TMEM35A: variants seen among roughly 807,000 people sequenced by gnomAD.
TMEM35A encodes the protein transmembrane protein 35A.
For missense variants in TMEM35A, 83 were observed against 132.7 expected (o/e 0.63, Z 1.84); for synonymous variants, 50 against 54.7 (o/e 0.91, Z 0.38).
intron 1 of TMEM35A, among the ~76,000 whole-genome samples, chrX:101,093,286 T>TTTTA (rs1262836234): frequency 5.4e-4 from 60 of 111,456 alleles, no homozygotes; most frequent in African/African-American, 1.8e-3. Flanking sequence ...AAAAAATTCT[T>TTTTA]TTTATTTATT....
At chrX:101,092,776 G>A (rs1431197973) in intron 1 of TMEM35A, among the ~76,000 whole-genome samples, 7 of 110,278 alleles carry the variant, frequency 6.3e-5, no homozygotes, top group Admixed American at 2.0e-4. Flanking sequence ...CAGGAGAATC[G>A]CTTGAACCTG....
chrX:101,078,931 T>A lies in TMEM35A; in HGVS notation c.-72T>A. ...AGCGTCCCCCCAGCTCTCCCTGTGC[T>A]AACTGCCTGCACCTTGGACAGAGCG... On this transcript the variant is annotated 5_prime_UTR_variant, in exon 1 of 2. Coordinates refer to ENST00000372930, the MANE Select transcript of TMEM35A (RefSeq NM_021637.3). The A allele has an allele frequency of 8.4e-7, 1 of 1,191,102 alleles. No individual in the cohort carries two copies. Among genetic ancestry groups the A allele is most frequent in the Non-Finnish European group, 1.1e-6 (1 of 881,322 alleles).
At chrX:101,092,180 G>A (rs1393869762) in intron 1 of TMEM35A, among the ~76,000 whole-genome samples, 1 of 109,109 alleles carries the variant, frequency 9.2e-6, no homozygotes, top group Non-Finnish European at 1.9e-5. Context: ...TCAGATGAGA[G>A]CACCTCCTGG....
At chrX:101,093,256 T>A (rs1363856619) in intron 1 of TMEM35A, among the ~76,000 whole-genome samples, 1 of 112,124 alleles carries the variant, frequency 8.9e-6, no homozygotes, top group Admixed American at 9.5e-5. Flanking sequence ...TACCAGTTTT[T>A]ATGGGCCTAG....
At chrX:101,087,401 A>T (rs1359547230) in intron 1 of TMEM35A, among the ~76,000 whole-genome samples, 1 of 112,118 alleles carries the variant, frequency 8.9e-6, no homozygotes, top group Non-Finnish European at 1.9e-5. Flanking sequence ...TCCTGTCTGT[A>T]CCTACTCAGT....
At chrX:101,079,949 G>A (rs754041104) in intron 1 of TMEM35A, among the ~76,000 whole-genome samples, 3 of 111,840 alleles carry the variant, frequency 2.7e-5, no homozygotes, top group East Asian at 2.8e-4. Context: ...CAACCTGGGG[G>A]CTGGGCTGCT....
chrX:101,088,472 C>T (rs942284729), intron 1 of TMEM35A, among the ~76,000 whole-genome samples: 2 of 110,646 alleles, frequency 1.8e-5, no homozygotes, highest in African/African-American at 6.6e-5. Flanking sequence ...AGAGATTAGC[C>T]AGGCATGGTG....
intron 1 of TMEM35A, among the ~76,000 whole-genome samples, chrX:101,090,169 C>CTTTTTTTTTTTTTTTTTTTTTTTTTTTT (rs771239790): frequency 7.2e-5 from 7 of 97,521 alleles, no homozygotes; most frequent in African/African-American, 3.1e-4. Context: ...TTCTTTCTTT[C>CTTTTTTTTTTTTTTTTTTTTTTTTTTTT]TTTTTTTTTT....
At chrX:101,094,031 T>C (rs963921900) in intron 1 of TMEM35A, among the ~76,000 whole-genome samples, 1 of 112,043 alleles carries the variant, frequency 8.9e-6, no homozygotes, top group Non-Finnish European at 1.9e-5. Flanking sequence ...TTTCAACATA[T>C]GGTTTTTGTT....
chrX:101,095,033 C>A lies in TMEM35A; in HGVS notation c.*77C>A. 9.6e-7 allele frequency: 1 copy of A among 1,036,986 alleles called. No homozygotes were observed. The highest frequency in any genetic ancestry group is 3.1e-5 in the East Asian group (1 of 32,442). 85.5% of individuals were successfully genotyped at this position (1,036,986 alleles called of 1,213,427 possible). Reference sequence around the variant, plus strand: ...CAGGAAGATGTCAGTGTGTGTTTTTCATTTGATTTATTTATCTTGGGGAAA... The same window carrying A: ...CAGGAAGATGTCAGTGTGTGTTTTTAATTTGATTTATTTATCTTGGGGAAA... On this transcript the variant is annotated 3_prime_UTR_variant, in exon 2 of 2. Transcript: ENST00000372930.
At chrX:101,083,884 G>A (rs753791746) in intron 1 of TMEM35A, among the ~76,000 whole-genome samples, 1 of 110,967 alleles carries the variant, frequency 9.0e-6, no homozygotes, top group African/African-American at 3.3e-5. Context: ...GCCCTAAGAT[G>A]CAATCTGGGA....
intron 1 of TMEM35A, among the ~76,000 whole-genome samples, chrX:101,091,547 C>T (rs2089324424): frequency 1.8e-5 from 2 of 111,747 alleles, no homozygotes; most frequent in African/African-American, 6.5e-5. Context: ...TCAATCGATC[C>T]TCCTGCCTTG....
intron 1 of TMEM35A, among the ~76,000 whole-genome samples, chrX:101,084,188 C>CAAAAA (rs746718674): frequency 1.2e-3 from 38 of 32,274 alleles, no homozygotes; most frequent in Admixed American, 1.9e-3. Context: ...AACTCCATCT[C>CAAAAA]AAAAAAAAAA....
chrX:101,084,603 G>A (rs1467831333), intron 1 of TMEM35A, among the ~76,000 whole-genome samples: 1 of 111,779 alleles, frequency 8.9e-6, no homozygotes, highest in Admixed American at 9.6e-5. Context: ...TGTGGCTCAC[G>A]CCTGTAATCC....
rs753730892 is a variant in TMEM35A at position 101,094,586 on chromosome X, A to G, written c.134A>G (p.Lys45Arg). 8.3e-7 allele frequency: 1 copy of G among 1,204,113 alleles called. No homozygotes were observed. The highest frequency in any genetic ancestry group is 2.2e-5 in the Admixed American group (1 of 45,111). ...DAYSEMKRAY[K>R]SYVRALPLLK... ...TTCTCACTCTAGAAACGTGCTTACAAGAGCTATGTTCGAGCCCTCCCTCTG... is the reference window on the plus strand; with the variant it reads ...TTCTCACTCTAGAAACGTGCTTACAGGAGCTATGTTCGAGCCCTCCCTCTG... The change falls in exon 2 of 2, where the codon AAG (lysine) becomes AGG (arginine). Residue 45 changes from lysine (K) to arginine (R), a missense_variant. Coordinates refer to ENST00000372930, the MANE Select transcript of TMEM35A (RefSeq NM_021637.3).
At chrX:101,086,685 C>T (rs1724383915) in intron 1 of TMEM35A, among the ~76,000 whole-genome samples, 1 of 111,764 alleles carries the variant, frequency 8.9e-6, no homozygotes, top group African/African-American at 3.3e-5. Context: ...TAACTAAGCC[C>T]ATCTTTTTCC....
At chrX:101,091,600 C>T (rs976279811) in intron 1 of TMEM35A, among the ~76,000 whole-genome samples, 5 of 112,294 alleles carry the variant, frequency 4.5e-5, no homozygotes, top group Admixed American at 1.9e-4. Flanking sequence ...CCACCATGCC[C>T]GGCCTATTTC....
chrX:101,082,737 C>T (rs756113576), intron 1 of TMEM35A, among the ~76,000 whole-genome samples: 9 of 110,129 alleles, frequency 8.2e-5, no homozygotes, highest in Admixed American at 2.9e-4. Context: ...CTCTGCCTCC[C>T]GGGTTCAAGC....
intron 1 of TMEM35A, among the ~76,000 whole-genome samples, chrX:101,083,188 G>T (rs2089297598): frequency 9.0e-6 from 1 of 111,451 alleles, no homozygotes; most frequent in South Asian, 3.8e-4. Flanking sequence ...AACATGACTG[G>T]CCACTCCCTT....
Sources: gnomAD v4.1 joint callset for allele counts (sites outside exome capture counted in the v4.1 genomes callset) on GRCh38, gnomAD v4.1.1 for gene constraint, MANE v1.5 for transcripts, NCBI Gene and HGNC (gene_info 2026-07-23, HGNC 2026-07-21) for gene names.